Variants in COQ9 observed in about 807,000 individuals in gnomAD.
COQ9 encodes ubiquinone biosynthesis protein COQ9, mitochondrial.
In COQ9, 35 loss-of-function variants were observed where a neutral mutation model predicts 42.4. The ratio of observed to expected loss-of-function variants is 0.83; its 90% CI spans 0.63 to 1.10. The LOEUF (loss-of-function observed/expected upper bound fraction) is 1.10. Ranked by LOEUF, COQ9 falls within the 50% of genes least tolerant of loss-of-function variation. COQ9 has a pLI of 0.00. For missense variants in COQ9, 406 were observed against 414.6 expected, an observed-to-expected ratio of 0.98 and a Z score of 0.18; for synonymous variants, 155 against 155.1, an observed-to-expected ratio of 1.00 and a Z score of 0.00.
At position 57,452,833 on chromosome 16, in the gene COQ9, A is replaced by G. The variant is rs2030318209; in HGVS notation, c.275A>G (p.Asp92Gly). 1 of 1,613,404 alleles carries G rather than the reference A, an allele frequency of 6.2e-7. No homozygotes were observed. Among genetic ancestry groups the G allele is most frequent in the Admixed American group, 1.7e-5 (1 of 59,992 alleles). The change falls in exon 3 of 9, where the codon GAC (aspartate) becomes GGC (glycine). Residue 92 changes from aspartate to glycine, a missense_variant. Coordinates refer to ENST00000262507, the MANE Select transcript of COQ9 (RefSeq NM_020312.4). ...GACCAGGGCGGCGAGGAGGAGGAGG[A>G]CTATGAAAGTGAGGAGCAGTTGCAG... ...YTDQGGEEEE[D>G]YESEEQLQHR...
rs375596329 is a variant in COQ9 at position 57,460,104 on chromosome 16, G to A, written c.921G>A (p.Thr307=). 9.9e-6 allele frequency: 16 copies of A among 1,613,846 alleles called. No individual in the cohort carries two copies. Among genetic ancestry groups the A allele is most frequent in the Middle Eastern group, 1.6e-4 (1 of 6,078 alleles). ...LVQGLMGAAV[T]LKNLTGLNQR... ...AAGGACTCATGGGTGCAGCAGTGAC[G>A]GTGAGTACTGCCCAGCACATCCCTG... The change falls in exon 8 of 9, where the codon ACG becomes ACA. Residue 307 remains threonine (T), a splice_region_variant and synonymous_variant. Transcript: ENST00000262507.
intron 1 of COQ9, among the ~76,000 whole-genome samples, chr16:57,449,931 C>T (rs1213091413): frequency 1.3e-5 from 2 of 152,060 alleles, no homozygotes; most frequent in African/African-American, 4.8e-5. Context: ...GTGTAAATGG[C>T]ATCTGAATAA....
intron 5 of COQ9, 170 bp downstream of exon 5, chr16:57,457,185 A>G: frequency 1.4e-6 from 1 of 698,358 alleles, no homozygotes; most frequent in Non-Finnish European, 2.6e-6. Context: ...ACTTGGACAT[A>G]CCAAAGAGAG....
intron 2 of COQ9, 33 bp from the exon 3 acceptor site, chr16:57,452,768 T>C: frequency 6.2e-7 from 1 of 1,612,428 alleles, no homozygotes; most frequent in Non-Finnish European, 8.5e-7. Context: ...TGCCAGGAGA[T>C]GAAGTATGCT....
At chr16:57,459,783 C>T (rs1323251694) in intron 7 of COQ9, 63 bp downstream of exon 7, 9 of 1,584,322 alleles carry the variant, frequency 5.7e-6, no homozygotes, top group African/African-American at 1.3e-5. Flanking sequence ...CCTCAGGTCA[C>T]AGCTGGTCTT....
At chr16:57,455,825 C>A (rs1448330383) in intron 3 of COQ9, among the ~76,000 whole-genome samples, 1 of 152,094 alleles carries the variant, frequency 6.6e-6, no homozygotes, top group African/African-American at 2.4e-5. Flanking sequence ...TATGTGTAAT[C>A]CCAGCACTTG....
At position 57,447,519 on chromosome 16, in the gene COQ9, C is replaced by T. The variant is rs866898130; in HGVS notation, c.14C>T (p.Ala5Val). 52 of 1,305,306 alleles carry T rather than the reference C, an allele frequency of 4.0e-5. No individual in the cohort carries two copies. Among genetic ancestry groups the T allele is most frequent in the Non-Finnish European group, 4.4e-5 (45 of 1,021,096 alleles). The allele number at this position is 1,305,306 out of a possible 1,614,324, so 80.9% of individuals were successfully genotyped here. The change falls in exon 1 of 9, where the codon GCG (alanine) becomes GTG (valine). Residue 5 changes from alanine to valine, a missense_variant. By Grantham distance (64) the Ala-to-Val change is moderately conservative. Transcript: ENST00000262507. ...CCCGCTTCCAAAATGGCGGCGGCGG[C>T]GGTATCTGGTGCGCTTGGCCGGGCG... MAAA[A>V]VSGALGRAGW...
intron 7 of COQ9, among the ~76,000 whole-genome samples, 162 bp downstream of exon 7, chr16:57,459,882 C>T (rs2030490904): frequency 1.4e-5 from 1 of 70,850 alleles, no homozygotes; most frequent in Non-Finnish European, 2.7e-5. Flanking sequence ...CTAAGAGCCA[C>T]ACTTTGCTCA....
At position 57,452,702 on chromosome 16, in the gene COQ9, A is replaced by G. The variant is rs1366573459; in HGVS notation, c.243-99A>G. ...GTGACACAAGAGTAAATGTCTTCCC[A>G]GCATGTGCTTAGAGGAGATCCAGAG... On this transcript the variant is annotated intron_variant, in intron 2 of 8. Transcript: ENST00000262507. 3.7e-6 allele frequency: 5 copies of G among 1,361,330 alleles called. No homozygotes were observed. The African/African-American group carries it at 7.2e-5, about 19-fold the overall frequency. 84.3% of individuals were successfully genotyped at this position (1,361,330 alleles called of 1,614,324 possible).
intron 1 of COQ9, among the ~76,000 whole-genome samples, chr16:57,450,426 A>AAG (rs1555514194): frequency 3.3e-5 from 5 of 151,918 alleles, no homozygotes; most frequent in African/African-American, 1.2e-4. Context: ...AAAAAAAAAA[A>AAG]AAAAGAAAAT....
At chr16:57,448,532 T>C (rs1400464878) in intron 1 of COQ9, among the ~76,000 whole-genome samples, 1 of 152,020 alleles carries the variant, frequency 6.6e-6, no homozygotes, top group Admixed American at 6.6e-5. Flanking sequence ...CAAGTGATTC[T>C]CCTGCCTCAG....
chr16:57,455,377 T>G (rs2030377846), intron 3 of COQ9, among the ~76,000 whole-genome samples: 1 of 127,486 alleles, frequency 7.8e-6, no homozygotes, highest in African/African-American at 2.9e-5. Context: ...ATATATACAG[T>G]ATATATATGC....
At chr16:57,458,440 G>A in intron 6 of COQ9, 90 bp downstream of exon 6, 2 of 967,202 alleles carry the variant, frequency 2.1e-6, no homozygotes, top group Non-Finnish European at 3.2e-6. Flanking sequence ...TTGATCATAA[G>A]CCCCTGCAGG....
At chr16:57,457,145 C>T in intron 5 of COQ9, 130 bp downstream of exon 5, 2 of 768,156 alleles carry the variant, frequency 2.6e-6, no homozygotes, top group South Asian at 1.5e-5. Flanking sequence ...CCCGACAATA[C>T]TTAGTACACT....
chr16:57,455,317 A>G (rs2030375582), intron 3 of COQ9, among the ~76,000 whole-genome samples: 2 of 151,068 alleles, frequency 1.3e-5, no homozygotes, highest in African/African-American at 4.9e-5. Flanking sequence ...ACAGGTCAGG[A>G]ACTGGAGGAA....
chr16:57,458,689 C>CT (rs1270570144), intron 6 of COQ9, among the ~76,000 whole-genome samples: 1 of 152,144 alleles, frequency 6.6e-6, no homozygotes, highest in Non-Finnish European at 1.5e-5. Flanking sequence ...CAAAATTCCT[C>CT]TTTTGAAAAA....
intron 1 of COQ9, among the ~76,000 whole-genome samples, chr16:57,449,383 G>A (rs2030229258): frequency 6.6e-6 from 1 of 152,168 alleles, no homozygotes; most frequent in African/African-American, 2.4e-5. Context: ...CCAAGGTTGA[G>A]GCCTAGATAA....
At chr16:57,450,858 C>A in intron 1 of COQ9, 182 bp from the exon 2 acceptor site, 1 of 697,642 alleles carries the variant, frequency 1.4e-6, no homozygotes, top group Non-Finnish European at 2.5e-6. Flanking sequence ...ACCACTTTTG[C>A]TACCACTTCG....
At chr16:57,450,338 C>G (rs2030254652) in intron 1 of COQ9, among the ~76,000 whole-genome samples, 1 of 148,672 alleles carries the variant, frequency 6.7e-6, no homozygotes, top group Non-Finnish European at 1.5e-5. Context: ...TCACTTGAGC[C>G]TGGGAGGCAG....
Sources: allele counts gnomAD v4.1 joint callset (sites outside exome capture counted in the v4.1 genomes callset), GRCh38; gene constraint gnomAD v4.1.1; transcripts MANE v1.5; gene names NCBI Gene and HGNC (gene_info 2026-07-23, HGNC 2026-07-21).